Variants in UGT1A7 observed in about 807,000 individuals in gnomAD.
UGT1A7 encodes the protein UDP-glucuronosyltransferase 1A7.
In UGT1A7, 33 loss-of-function variants were observed where a neutral mutation model predicts 45.6. The observed-to-expected ratio is 0.72, with a 90% CI of 0.55 to 0.97. The LOEUF is 0.97. Among genes scored for constraint, UGT1A7 ranks in the 50% least tolerant of loss-of-function variants. UGT1A7 has a pLI of 0.00. For missense variants in UGT1A7, 684 were observed against 666.2 expected (o/e 1.03, Z -0.29); for synonymous variants, 274 against 250.6 (o/e 1.09, Z -0.88).
chr2:233,726,672 G>T (rs1443566236), intron 1 of UGT1A7, among the ~76,000 whole-genome samples: 1 of 152,112 alleles, frequency 6.6e-6, no homozygotes, highest in Non-Finnish European at 1.5e-5. Context: ...TATCTGTGAA[G>T]TCTCTTCCAC....
chr2:233,684,774 C>A (rs1250400105), intron 1 of UGT1A7, among the ~76,000 whole-genome samples: 2 of 151,864 alleles, frequency 1.3e-5, no homozygotes, highest in Non-Finnish European at 2.9e-5. Flanking sequence ...ATAAAGAGTG[C>A]CCTTTGGCAA....
At chr2:233,711,551 A>G (rs1403446059) in intron 1 of UGT1A7, among the ~76,000 whole-genome samples, 2 of 152,184 alleles carry the variant, frequency 1.3e-5, no homozygotes, top group African/African-American at 2.4e-5. Context: ...CCTCCCCTGG[A>G]GAGTTCCCAA....
At position 233,731,167 on chromosome 2, in the gene UGT1A7, AT is replaced by A. The variant is rs1179116589; in HGVS notation, c.856-35860del. On this transcript the variant is annotated intron_variant, in intron 1 of 4. Transcript: ENST00000373426. ...TTTTTCTTTTTGATCAAACGACATG[AT>A]TTTTTTATGCAATGTAATTATTCAA... is the stretch of plus-strand genomic sequence containing the variant. 9.2e-5 allele frequency among the ~76,000 whole-genome samples: 14 copies of A among 151,914 alleles called. No homozygotes were observed. The East Asian group carries it at 1.4e-3, about 15-fold the overall frequency.
intron 1 of UGT1A7, among the ~76,000 whole-genome samples, chr2:233,761,605 A>G (rs1697811953): frequency 6.6e-6 from 1 of 152,260 alleles, no homozygotes; most frequent in South Asian, 2.1e-4. Context: ...TCCAGTTTCT[A>G]AATATTCTGA....
At chr2:233,731,619 C>A (rs527896427) in intron 1 of UGT1A7, among the ~76,000 whole-genome samples, 1 of 152,252 alleles carries the variant, frequency 6.6e-6, no homozygotes, top group South Asian at 2.1e-4. Context: ...TGAACTCATC[C>A]TTTTTTATGG....
chr2:233,730,084 A>C (rs962499834), intron 1 of UGT1A7: 1 of 1,601,106 alleles, frequency 6.2e-7, no homozygotes, highest in Admixed American at 1.7e-5. Context: ...ATATTTACTT[A>C]TCTTTCCAAA....
intron 1 of UGT1A7, chr2:233,740,677 T>C (rs536808969): frequency 2.0e-5 from 3 of 151,924 alleles, no homozygotes; most frequent in South Asian, 4.1e-4. Context: ...GGTGTTTCCA[T>C]GGAGGGTGTT....
chr2:233,729,228 G>C (rs752170717), intron 1 of UGT1A7: 18 of 1,614,046 alleles, frequency 1.1e-5, no homozygotes, highest in Non-Finnish European at 1.5e-5. Context: ...TGTTGGTGGT[G>C]CCCATTGATG....
At position 233,690,504 on chromosome 2, in the gene UGT1A7, A is replaced by C. The variant is rs750850390; in HGVS notation, c.855+7712A>C. 7 of 1,289,246 alleles carry C rather than the reference A, an allele frequency of 5.4e-6. No homozygotes were observed. The South Asian group carries it at 7.4e-5, about 14-fold the overall frequency. The allele number at this position is 1,289,246 out of a possible 1,614,324, so 79.9% of individuals were successfully genotyped here. ...GGGAAATCTGCTCTTGCCAACAGAG[A>C]TTTGTTTTATCTTAGGATCTACTTC... On this transcript the variant is annotated intron_variant, in intron 1 of 4. Coordinates refer to ENST00000373426, the MANE Select transcript of UGT1A7 (RefSeq NM_019077.3).
chr2:233,728,197 T>C (rs2077689695), intron 1 of UGT1A7, among the ~76,000 whole-genome samples: 1 of 152,224 alleles, frequency 6.6e-6, no homozygotes, highest in Non-Finnish European at 1.5e-5. Flanking sequence ...TGGTGCTGGA[T>C]TGACTTGGAG....
rs17868341 is a variant in UGT1A7 at position 233,761,240 on chromosome 2, C to T, written c.856-5794C>T. ...TAACTAGCCCCAGATATATGCTGAG[C>T]AAGCATTCTGAGATAATTTAAAATG... is the stretch of plus-strand genomic sequence containing the variant. On this transcript the variant is annotated intron_variant, in intron 1 of 4. Coordinates refer to ENST00000373426, the MANE Select transcript of UGT1A7 (RefSeq NM_019077.3). 0.052 allele frequency: 84,282 copies of T among 1,611,682 alleles called. 2,670 individuals carry two copies. The highest frequency in any genetic ancestry group is 0.063 in the Non-Finnish European group (74,222 of 1,178,902).
intron 1 of UGT1A7, chr2:233,748,094 C>T: frequency 6.2e-7 from 1 of 1,612,860 alleles, no homozygotes; most frequent in Non-Finnish European, 8.5e-7. Flanking sequence ...GTGTTCGTGC[C>T]TTCATCCAAT....
chr2:233,712,373 T>C (rs1400109853), intron 1 of UGT1A7, among the ~76,000 whole-genome samples: 1 of 152,218 alleles, frequency 6.6e-6, no homozygotes, highest in Non-Finnish European at 1.5e-5. Flanking sequence ...GCAGCTTTTT[T>C]TATATTGACA....
At chr2:233,745,468 A>C (rs991715539) in intron 1 of UGT1A7, among the ~76,000 whole-genome samples, 2 of 151,704 alleles carry the variant, frequency 1.3e-5, no homozygotes, top group African/African-American at 4.9e-5. Context: ...TCTAAGGGGA[A>C]AATGATTAAC....
chr2:233,714,792 G>A (rs1347509231), intron 1 of UGT1A7, among the ~76,000 whole-genome samples: 5 of 152,156 alleles, frequency 3.3e-5, no homozygotes, highest in Non-Finnish European at 7.3e-5. Context: ...CACATTTCAA[G>A]TGCTCAATAT....
chr2:233,712,280 C>T (rs1176719433), intron 1 of UGT1A7, among the ~76,000 whole-genome samples: 1 of 152,208 alleles, frequency 6.6e-6, no homozygotes, highest in African/African-American at 2.4e-5. Context: ...ACAGCAGCAC[C>T]TCTTCTTCCA....
At chr2:233,690,354 A>G (rs1451688714) in intron 1 of UGT1A7, among the ~76,000 whole-genome samples, 2 of 152,190 alleles carry the variant, frequency 1.3e-5, no homozygotes, top group African/African-American at 2.4e-5. Flanking sequence ...TTAGCACCTT[A>G]GAAGCAAACC....
At chr2:233,737,662 C>A (rs972377767) in intron 1 of UGT1A7, among the ~76,000 whole-genome samples, 3 of 152,186 alleles carry the variant, frequency 2.0e-5, no homozygotes, top group African/African-American at 7.2e-5. Context: ...AGCTGCAGAT[C>A]GGAGCTGTTC....
chr2:233,724,221 C>T lies in UGT1A7; in HGVS notation c.855+41429C>T, dbSNP rs1235713996. ...GGCCGGGCTGAGGGGCTCCTCACTT[C>T]CCAGTAGGGGCGGCCGGGCAGAGGC... On this transcript the variant is annotated intron_variant, in intron 1 of 4. Coordinates refer to ENST00000373426, the MANE Select transcript of UGT1A7 (RefSeq NM_019077.3). Among the ~76,000 whole-genome samples the T allele has an allele frequency of 3.1e-5, 4 of 130,194 alleles. No individual in the cohort carries two copies. In the East Asian group the frequency reaches 9.2e-4, roughly 30 times the overall value. 85.4% of individuals were successfully genotyped at this position (130,194 alleles called of 152,430 possible). A position where few individuals can be genotyped will look rare whatever the true frequency, so the allele number is the denominator to read the frequency against.
Sources: gnomAD v4.1 joint callset for allele counts (sites outside exome capture counted in the v4.1 genomes callset) on GRCh38, gnomAD v4.1.1 for gene constraint, MANE v1.5 for transcripts, NCBI Gene and HGNC (gene_info 2026-07-23, HGNC 2026-07-21) for gene names.